Variants in R3HDM1 observed in about 807,000 individuals in gnomAD.
The protein encoded by R3HDM1 is R3H domain-containing protein 1.
A neutral mutation model predicts 141.1 loss-of-function variants in R3HDM1; 46 were observed. The observed-to-expected ratio is 0.33, with a 90% confidence interval of 0.26 to 0.42. The LOEUF (loss-of-function observed/expected upper bound fraction) is 0.42, where lower values mean the gene tolerates loss of function less well. Among genes scored for constraint, R3HDM1 ranks in the 10% least tolerant of loss-of-function variants. R3HDM1 has a pLI of 1.00. For missense variants in R3HDM1, 1,184 were observed against 1,368.3 expected, an observed-to-expected ratio of 0.87 and a Z score of 2.12; for synonymous variants, 435 against 472.9, an observed-to-expected ratio of 0.92 and a Z score of 1.04.
At chr2:135,658,903 A>G (rs2066270653) in intron 18 of R3HDM1, among the ~76,000 whole-genome samples, 1 of 152,112 alleles carries the variant, frequency 6.6e-6, no homozygotes, top group Non-Finnish European at 1.5e-5. Flanking sequence ...CATCAGCATC[A>G]TTGTCTTCCA....
intron 17 of R3HDM1, chr2:135,651,265 A>G (rs1249776731): frequency 1.0e-6 from 1 of 985,048 alleles, no homozygotes; most frequent in Non-Finnish European, 1.2e-6. Context: ...TTAGGGATAC[A>G]AAAATGCATA....
intron 23 of R3HDM1, among the ~76,000 whole-genome samples, chr2:135,714,099 T>A (rs2075936687): frequency 1.3e-5 from 2 of 151,960 alleles, no homozygotes; most frequent in African/African-American, 2.4e-5. Context: ...AATTTTTTTT[T>A]AAAGTATCTC....
intron 1 of R3HDM1, among the ~76,000 whole-genome samples, chr2:135,537,174 TAAAAAA>T (rs60737602): frequency 1.7e-5 from 2 of 115,230 alleles, no homozygotes; most frequent in Non-Finnish European, 3.7e-5. Context: ...CTCTGGAATT[TAAAAAA>T]AAAAAAAAAA....
chr2:135,641,933 T>G (rs1000768274), intron 15 of R3HDM1, 143 bp downstream of exon 15: 4 of 1,087,044 alleles, frequency 3.7e-6, no homozygotes, highest in Non-Finnish European at 5.0e-6. Flanking sequence ...CAAAAACACT[T>G]AATGCTAGGG....
chr2:135,703,968 T>C (rs1222078213), intron 21 of R3HDM1, among the ~76,000 whole-genome samples: 1 of 152,154 alleles, frequency 6.6e-6, no homozygotes, highest in Non-Finnish European at 1.5e-5. Flanking sequence ...TGCAAATGAA[T>C]TGGTTATTTA....
At chr2:135,587,492 T>G (rs974582449) in intron 1 of R3HDM1, among the ~76,000 whole-genome samples, 3 of 152,192 alleles carry the variant, frequency 2.0e-5, no homozygotes, top group African/African-American at 7.2e-5. Context: ...CTCTTTCTTT[T>G]GTCTATTTCT....
intron 1 of R3HDM1, chr2:135,536,757 A>C (rs1696215303): frequency 2.1e-6 from 2 of 970,748 alleles, no homozygotes; most frequent in African/African-American, 1.8e-5. Context: ...CCCAACCCTT[A>C]GGAGCTGGGC....
intron 1 of R3HDM1, among the ~76,000 whole-genome samples, chr2:135,569,078 T>C (rs1703466115): frequency 6.6e-6 from 1 of 152,232 alleles, no homozygotes; most frequent in Admixed American, 6.5e-5. Context: ...GTTTCAGTGG[T>C]TTAATATTCT....
chr2:135,539,991 A>AC (rs1697115192), intron 1 of R3HDM1, among the ~76,000 whole-genome samples: 1 of 152,192 alleles, frequency 6.6e-6, no homozygotes, highest in South Asian at 2.1e-4. Context: ...AAAGCATTTT[A>AC]CCCCCAGTAG....
In R3HDM1 at chr2:135,701,494, G is replaced by A. The variant is rs2074201639; in HGVS notation, c.2460-7939G>A. 5.9e-5 allele frequency among the ~76,000 whole-genome samples: 9 copies of A among 152,198 alleles called. No homozygotes were observed. In the South Asian group the frequency reaches 1.9e-3, roughly 32 times the overall value. ...AGATGATGAAATGCATATGTGATGA[G>A]ATGAAGTGAGGTGAGGTGAATGATT... On this transcript the variant is annotated intron_variant, in intron 21 of 26. Coordinates refer to ENST00000683871, the MANE Select transcript of R3HDM1 (RefSeq NM_001378107.1).
chr2:135,621,939 A>G, intron 6 of R3HDM1: 1 of 982,362 alleles, frequency 1.0e-6, no homozygotes, highest in Non-Finnish European at 1.2e-6. Context: ...TCCTTATGGT[A>G]CAAAGAGCTG....
intron 3 of R3HDM1, among the ~76,000 whole-genome samples, chr2:135,608,747 T>C (rs1477667175): frequency 5.3e-5 from 8 of 152,216 alleles, no homozygotes; most frequent in Non-Finnish European, 8.8e-5. Flanking sequence ...TTTGGATGTA[T>C]GTAGCAAATA....
intron 9 of R3HDM1, among the ~76,000 whole-genome samples, chr2:135,634,660 AAAG>A (rs1199997304): frequency 6.6e-6 from 1 of 152,186 alleles, no homozygotes; most frequent in Non-Finnish European, 1.5e-5. Flanking sequence ...ATTTTTTTAA[AAAG>A]AAGTGTTACT....
intron 15 of R3HDM1, among the ~76,000 whole-genome samples, chr2:135,643,417 CA>C (rs11352652): frequency 0.18 from 24,935 of 140,726 alleles, 2,704 homozygotes; most frequent in South Asian, 0.33. Context: ...TAAGTTTCCT[CA>C]AAAAAAAAAA....
intron 3 of R3HDM1, chr2:135,607,677 C>T: frequency 5.0e-6 from 1 of 201,346 alleles, no homozygotes; most frequent in Non-Finnish European, 8.8e-6. Flanking sequence ...CTAGATCATG[C>T]TTATCAACAA....
intron 21 of R3HDM1, among the ~76,000 whole-genome samples, chr2:135,701,288 A>C (rs1356867569): frequency 6.6e-6 from 1 of 151,788 alleles, no homozygotes; most frequent in Non-Finnish European, 1.5e-5. Context: ...CTGTAGTCCT[A>C]GCTACTTGGG....
intron 1 of R3HDM1, among the ~76,000 whole-genome samples, chr2:135,561,884 G>T (rs1573822656): frequency 6.6e-6 from 1 of 152,098 alleles, no homozygotes; most frequent in Non-Finnish European, 1.5e-5. Flanking sequence ...GACCGTTAAA[G>T]AATTAACTGA....
intron 1 of R3HDM1, among the ~76,000 whole-genome samples, chr2:135,601,352 A>G (rs1052766101): frequency 3.3e-5 from 5 of 152,210 alleles, no homozygotes; most frequent in Non-Finnish European, 7.3e-5. Context: ...GTAAGGATAT[A>G]TCGGGTTCCA....
chr2:135,613,031 T>C (rs1310676796), intron 3 of R3HDM1, among the ~76,000 whole-genome samples: 1 of 152,238 alleles, frequency 6.6e-6, no homozygotes, highest in Non-Finnish European at 1.5e-5. Context: ...GGTTTACTTA[T>C]ATAGTAGTGT....
Sources: gnomAD v4.1 joint callset for allele counts (sites outside exome capture counted in the v4.1 genomes callset) on GRCh38, gnomAD v4.1.1 for gene constraint, MANE v1.5 for transcripts, NCBI Gene and HGNC (gene_info 2026-07-23, HGNC 2026-07-21) for gene names.